Variants in RSF1 observed in about 807,000 individuals in gnomAD.
The protein encoded by RSF1 is HBV pX-associated protein 8.
A neutral mutation model predicts 145.2 loss-of-function variants in RSF1; 13 were observed. The ratio of observed to expected loss-of-function variants is 0.09; its 90% confidence interval spans 0.06 to 0.14. RSF1 has a LOEUF of 0.14. Ranked by LOEUF, RSF1 falls within the 10% of genes least tolerant of loss-of-function variation. The probability of loss-of-function intolerance (pLI) is 1.00; values close to 1 mark genes in which losing one functional copy is unlikely to be tolerated. For synonymous variants in RSF1, 577 were observed against 592.6 expected (o/e 0.97, Z 0.38); for missense variants, 1,517 against 1,718.2 (o/e 0.88, Z 2.07).
intron 1 of RSF1, among the ~76,000 whole-genome samples, chr11:77,765,638 C>T (rs148659836): frequency 2.2e-3 from 341 of 152,320 alleles, no homozygotes; most frequent in African/African-American, 7.4e-3. Flanking sequence ...AGATTCTCTG[C>T]TTTGACTGTA....
chr11:77,719,421 G>A (rs1057178315), intron 5 of RSF1, among the ~76,000 whole-genome samples: 1 of 152,118 alleles, frequency 6.6e-6, no homozygotes, highest in African/African-American at 2.4e-5. Context: ...CCAAGCACCT[G>A]AGACTAAGCC....
the RSF1 span, among the ~76,000 whole-genome samples, chr11:77,849,653 T>C: frequency 6.6e-6 from 1 of 152,202 alleles, no homozygotes; most frequent in Non-Finnish European, 1.5e-5. Context: ...GTGTTTTTTT[T>C]TAATTATGCA....
chr11:77,720,769 A>G (rs552574368), intron 5 of RSF1, among the ~76,000 whole-genome samples: 2 of 152,332 alleles, frequency 1.3e-5, no homozygotes, highest in Admixed American at 6.5e-5. Context: ...GGAGAAAACA[A>G]AAGCATCTAG....
chr11:77,680,252 G>A (rs888694991), intron 11 of RSF1, among the ~76,000 whole-genome samples: 1 of 151,456 alleles, frequency 6.6e-6, no homozygotes. Flanking sequence ...GGGCTATATG[G>A]TGAGACCCTG....
At chr11:77,800,069 C>G (rs1199847263) in intron 1 of RSF1, among the ~76,000 whole-genome samples, 1 of 152,136 alleles carries the variant, frequency 6.6e-6, no homozygotes, top group Non-Finnish European at 1.5e-5. Context: ...CACTTTAGAT[C>G]AGGAATTTAA....
chr11:77,826,863 G>C, the RSF1 span, among the ~76,000 whole-genome samples: 4 of 152,200 alleles, frequency 2.6e-5, no homozygotes, highest in African/African-American at 4.8e-5. Context: ...CCAGCACTTT[G>C]AGAGGCCGAG....
the RSF1 span, among the ~76,000 whole-genome samples, chr11:77,848,155 CA>C: frequency 6.6e-6 from 1 of 152,122 alleles, no homozygotes; most frequent in Non-Finnish European, 1.5e-5. Flanking sequence ...GTTGAGCTGG[CA>C]CATAAAATTA....
chr11:77,821,760 G>A (rs1269800930), upstream of RSF1, among the ~76,000 whole-genome samples: 1 of 152,098 alleles, frequency 6.6e-6, no homozygotes, highest in African/African-American at 2.4e-5. Context: ...CACAAAGAAC[G>A]CCAGAGAGAA....
intron 2 of RSF1, among the ~76,000 whole-genome samples, chr11:77,761,899 T>C (rs1447139323): frequency 1.3e-5 from 2 of 149,548 alleles, no homozygotes; most frequent in African/African-American, 5.0e-5. Flanking sequence ...GGCACGATCT[T>C]GGCTCACTGC....
At position 77,683,838 on chromosome 11, in the gene RSF1, A is replaced by G. The variant is rs762621950; in HGVS notation, c.2956-19T>C. 13 of 1,567,114 alleles carry G rather than the reference A, an allele frequency of 8.3e-6. No homozygotes were observed. Among genetic ancestry groups the G allele is most frequent in the Middle Eastern group, 1.7e-4 (1 of 5,896 alleles). On this transcript the variant is annotated intron_variant, in intron 10 of 15. Transcript: ENST00000308488. The stretch of plus-strand genomic sequence containing the variant: ...CTGGCTCCTTAAAAAATATGATAAT[A>G]AGCATAGAGGTTATTCCTTATGCAG...
At chr11:77,826,313 G>A in the RSF1 span, among the ~76,000 whole-genome samples, 1 of 151,660 alleles carries the variant, frequency 6.6e-6, no homozygotes, top group Non-Finnish European at 1.5e-5. Context: ...AGTGAGCCAA[G>A]ATCACACCAT....
At chr11:77,696,476 T>C (rs367545031) in intron 7 of RSF1, among the ~76,000 whole-genome samples, 1 of 152,238 alleles carries the variant, frequency 6.6e-6, no homozygotes, top group African/African-American at 2.4e-5. Flanking sequence ...AGGATTATCC[T>C]TAAGCACTTG....
chr11:77,709,905 C>T (rs116004390), intron 5 of RSF1, among the ~76,000 whole-genome samples: 1 of 152,238 alleles, frequency 6.6e-6, no homozygotes, highest in African/African-American at 2.4e-5. Flanking sequence ...GCATGAGCCA[C>T]TGCACCTGAC....
chr11:77,700,955 C>A lies in RSF1; in HGVS notation c.2274G>T (p.Lys758Asn), dbSNP rs140854167. ...CCTCTTCCTTTTCTGTCTTCTCTTGCTTGTTTTCTGGTTCTAGAACTTTGG... is the reference window on the plus strand; with the variant it reads ...CCTCTTCCTTTTCTGTCTTCTCTTGATTGTTTTCTGGTTCTAGAACTTTGG... The part of the protein sequence containing the change: ...SPPKVLEPEN[K>N]QEKTEKEEEK... Residue 758 changes from lysine to asparagine, a missense_variant, in exon 6 of 16, where the codon AAG (lysine) becomes AAT (asparagine). By Grantham distance (94) the Lys-to-Asn change is moderately conservative. Transcript: ENST00000308488. 1.2e-6 allele frequency: 2 copies of A among 1,613,304 alleles called. No individual in the cohort carries two copies. The highest frequency in any genetic ancestry group is 4.5e-5 in the East Asian group (2 of 44,878).
At chr11:77,713,467 C>T (rs371048141) in intron 5 of RSF1, among the ~76,000 whole-genome samples, 35 of 152,228 alleles carry the variant, frequency 2.3e-4, no homozygotes, top group African/African-American at 7.0e-4. Context: ...TGTCTGGATA[C>T]GCAAGGTATT....
chr11:77,774,306 G>C (rs1169627385), intron 1 of RSF1, among the ~76,000 whole-genome samples: 1 of 152,186 alleles, frequency 6.6e-6, no homozygotes, highest in Non-Finnish European at 1.5e-5. Context: ...CAGACAGCTA[G>C]AAAAGAGAGT....
upstream of RSF1, among the ~76,000 whole-genome samples, chr11:77,824,930 TTC>T (rs1949098812): frequency 1.3e-5 from 2 of 152,204 alleles, no homozygotes; most frequent in South Asian, 4.2e-4. Context: ...TTATACACAT[TTC>T]TGTCTCCTTC....
At chr11:77,766,195 C>A (rs916738467) in intron 1 of RSF1, among the ~76,000 whole-genome samples, 1 of 151,906 alleles carries the variant, frequency 6.6e-6, no homozygotes, top group African/African-American at 2.4e-5. Context: ...TCTTATCATT[C>A]GCCCTTATGT....
rs1471027703 is a variant in RSF1, at chr11:77,683,650, A to G, written c.3065+60T>C. The G allele has an allele frequency of 3.7e-6, 4 of 1,071,976 alleles. No homozygotes were observed. The African/African-American group carries it at 6.3e-5, about 17-fold the overall frequency. The allele number at this position is 1,071,976 out of a possible 1,614,324, so 66.4% of individuals were successfully genotyped here. A position where few individuals can be genotyped will look rare whatever the true frequency, so the allele number is the denominator to read the frequency against. On this transcript the variant is annotated intron_variant, in intron 11 of 15. Transcript: ENST00000308488. ...TAGAAAAAGCATATACTTCTGGATC[A>G]TGCTGTGTACTTGCAAAATAAATCC...
Sources: gnomAD v4.1 joint callset for allele counts (sites outside exome capture counted in the v4.1 genomes callset) on GRCh38, gnomAD v4.1.1 for gene constraint, MANE v1.5 for transcripts, NCBI Gene and HGNC (gene_info 2026-07-23, HGNC 2026-07-21) for gene names.